Variants in GRID2 observed in about 807,000 individuals in gnomAD.
GRID2 encodes glutamate receptor ionotropic, delta-2.
In GRID2, 33 loss-of-function variants were observed where a neutral mutation model predicts 114.8. That is an observed-to-expected ratio of 0.29 (90% confidence interval 0.22 to 0.38). GRID2 has a LOEUF of 0.38. Among genes scored for constraint, GRID2 ranks in the 10% least tolerant of loss-of-function variants. The pLI is 1.00. For synonymous variants in GRID2, 505 were observed against 449.9 expected, an observed-to-expected ratio of 1.12 and a Z score of -1.55; for missense variants, 1,184 against 1,257.7, an observed-to-expected ratio of 0.94 and a Z score of 0.89.
At chr4:92,306,351 T>C (rs750535218) in intron 1 of GRID2, among the ~76,000 whole-genome samples, 4 of 152,252 alleles carry the variant, frequency 2.6e-5, no homozygotes, top group Non-Finnish European at 4.4e-5. Context: ...GGGCTAACAG[T>C]GCCTACAGAT....
intron 2 of GRID2, among the ~76,000 whole-genome samples, chr4:92,600,044 G>GTGTATATATATATA (rs1206780169): frequency 3.1e-4 from 17 of 54,422 alleles, no homozygotes; most frequent in South Asian, 7.7e-4. Context: ...GTGTGTGTGT[G>GTGTATATATATATA]TATATATATA....
At chr4:92,897,838 A>G (rs772811134) in intron 2 of GRID2, among the ~76,000 whole-genome samples, 4 of 152,210 alleles carry the variant, frequency 2.6e-5, no homozygotes, top group Non-Finnish European at 5.9e-5. Flanking sequence ...AAAGGCCACA[A>G]AGAAATTATA....
intron 11 of GRID2, among the ~76,000 whole-genome samples, chr4:93,468,916 A>G (rs1724540184): frequency 6.6e-6 from 1 of 152,162 alleles, no homozygotes; most frequent in Non-Finnish European, 1.5e-5. Flanking sequence ...TTATAGGTAT[A>G]CAAATGTATA....
At chr4:92,919,577 A>G (rs1362276474) in intron 2 of GRID2, among the ~76,000 whole-genome samples, 1 of 152,174 alleles carries the variant, frequency 6.6e-6, no homozygotes, top group Admixed American at 6.5e-5. Context: ...GTTTCAAAGA[A>G]CATCTTTATT....
intron 3 of GRID2, among the ~76,000 whole-genome samples, chr4:93,096,400 A>G (rs1314561153): frequency 6.6e-6 from 1 of 151,986 alleles, no homozygotes; most frequent in Non-Finnish European, 1.5e-5. Context: ...GAAATAGACA[A>G]ACTATGAACT....
intron 2 of GRID2, among the ~76,000 whole-genome samples, chr4:92,633,443 GAGA>G (rs1203660846): frequency 7.2e-5 from 11 of 152,238 alleles, no homozygotes; most frequent in African/African-American, 1.4e-4. Context: ...GGTTGGAAGG[GAGA>G]AGAAGATTTT....
intron 2 of GRID2, among the ~76,000 whole-genome samples, chr4:93,003,075 C>G (rs999179815): frequency 1.3e-5 from 2 of 151,772 alleles, no homozygotes; most frequent in African/African-American, 4.8e-5. Context: ...CTCCACATCC[C>G]AAGAATCTTA....
At chr4:92,694,870 A>G (rs765900714) in intron 2 of GRID2, among the ~76,000 whole-genome samples, 4 of 152,200 alleles carry the variant, frequency 2.6e-5, no homozygotes, top group Non-Finnish European at 5.9e-5. Context: ...TCAGTAAATC[A>G]CCTAATGTTT....
At chr4:93,708,429 A>G (rs372893271) in intron 14 of GRID2, among the ~76,000 whole-genome samples, 10 of 151,768 alleles carry the variant, frequency 6.6e-5, no homozygotes, top group African/African-American at 2.2e-4. Context: ...GACCTTCTTT[A>G]TCTCTTTTCT....
chr4:92,376,489 C>T (rs752179650), intron 1 of GRID2, among the ~76,000 whole-genome samples: 7 of 151,992 alleles, frequency 4.6e-5, no homozygotes, highest in Non-Finnish European at 7.4e-5. Flanking sequence ...CTTTTCCAGG[C>T]ATATGGTGCA....
chr4:92,919,236 C>G (rs775885206), intron 2 of GRID2, among the ~76,000 whole-genome samples: 12 of 151,680 alleles, frequency 7.9e-5, no homozygotes, highest in Non-Finnish European at 1.3e-4. Flanking sequence ...TTTGATTCTT[C>G]TCTCATTTCT....
chr4:93,331,065 C>A (rs1270199980), intron 8 of GRID2, among the ~76,000 whole-genome samples: 1 of 151,886 alleles, frequency 6.6e-6, no homozygotes, highest in Non-Finnish European at 1.5e-5. Flanking sequence ...TCTCCAAAAT[C>A]TCATTTCATT....
intron 1 of GRID2, among the ~76,000 whole-genome samples, chr4:92,384,576 A>ATATATATTATATATAATAT (rs376486621): frequency 1.4e-5 from 1 of 71,116 alleles, no homozygotes; most frequent in African/African-American, 7.7e-5. Context: ...ATAATATATA[A>ATATATATTATATATAATAT]AATATATTAT....
rs191750008 is a variant in GRID2 at position 92,940,475 on chromosome 4, G to A, written c.245-144520G>A. Among the ~76,000 whole-genome samples, 264 of 151,950 alleles carry A rather than the reference G, an allele frequency of 1.7e-3. 3 individuals carry two copies. In the East Asian group the frequency reaches 0.032, roughly 18 times the overall value. Reference sequence around the variant, plus strand: ...GCTTAAGGAGATTTTGGGCTGAGACGATGGGGTTTTCTAGATATACAATCC... The same window carrying A: ...GCTTAAGGAGATTTTGGGCTGAGACAATGGGGTTTTCTAGATATACAATCC... On this transcript the variant is annotated intron_variant, in intron 2 of 15. Transcript: ENST00000282020.
chr4:92,926,512 T>C (rs1335610059), intron 2 of GRID2, among the ~76,000 whole-genome samples: 1 of 151,968 alleles, frequency 6.6e-6, no homozygotes, highest in African/African-American at 2.4e-5. Context: ...ACAAGGCATA[T>C]AAATATGCTA....
intron 13 of GRID2, among the ~76,000 whole-genome samples, chr4:93,599,453 C>G (rs1003136511): frequency 2.6e-5 from 4 of 152,150 alleles, no homozygotes; most frequent in African/African-American, 7.2e-5. Flanking sequence ...TACAGAAAGT[C>G]TCACAAAAAT....
intron 2 of GRID2, among the ~76,000 whole-genome samples, chr4:92,796,440 G>A (rs1389046885): frequency 6.6e-6 from 1 of 151,848 alleles, no homozygotes; most frequent in Admixed American, 6.6e-5. Context: ...CTGACAGCTC[G>A]TGTTCATCTT....
At chr4:93,616,410 G>A (rs1741646839) in intron 13 of GRID2, among the ~76,000 whole-genome samples, 1 of 151,470 alleles carries the variant, frequency 6.6e-6, no homozygotes, top group Admixed American at 6.6e-5. Context: ...AGACCAGTGT[G>A]ATGGTGCACA....
chr4:92,961,365 A>G (rs541301387), intron 2 of GRID2, among the ~76,000 whole-genome samples: 2 of 149,000 alleles, frequency 1.3e-5, no homozygotes, highest in South Asian at 4.2e-4. Flanking sequence ...TCTGCTGACA[A>G]CACATCCCCT....
Sources: allele counts gnomAD v4.1 joint callset (sites outside exome capture counted in the v4.1 genomes callset), GRCh38; gene constraint gnomAD v4.1.1; transcripts MANE v1.5; gene names NCBI Gene and HGNC (gene_info 2026-07-23, HGNC 2026-07-21).